ADAMTSL1: variants seen among roughly 807,000 people sequenced by gnomAD.
ADAMTSL1 encodes the protein ADAMTS like 1, also known as ADAMTS-like protein 1.
Under a neutral mutation model 201.8 loss-of-function variants are expected in ADAMTSL1, and 126 were observed. That is an observed-to-expected ratio of 0.62 (90% CI 0.54 to 0.72). The LOEUF (loss-of-function observed/expected upper bound fraction) is 0.72. Among genes scored for constraint, ADAMTSL1 ranks in the 30% least tolerant of loss-of-function variants. ADAMTSL1 has a pLI of 0.00. For synonymous variants in ADAMTSL1, 1,121 were observed against 903.4 expected (o/e 1.24, Z -4.32); for missense variants, 2,679 against 2,277.8 (o/e 1.18, Z -3.59).
intron 1 of ADAMTSL1, among the ~76,000 whole-genome samples, chr9:17,981,382 T>G (rs1818687157): frequency 6.6e-6 from 1 of 152,244 alleles, no homozygotes; most frequent in African/African-American, 2.4e-5. Context: ...GCTTGCTATT[T>G]ATTTCATTAA....
At chr9:18,888,367 T>C (rs1435470528) in intron 24 of ADAMTSL1, among the ~76,000 whole-genome samples, 2 of 152,206 alleles carry the variant, frequency 1.3e-5, no homozygotes, top group Admixed American at 1.3e-4. Context: ...TTTATGCTGA[T>C]TTAACTAGTA....
intron 1 of ADAMTSL1, among the ~76,000 whole-genome samples, chr9:18,063,885 C>T (rs564542493): frequency 6.6e-6 from 1 of 152,116 alleles, no homozygotes; most frequent in Non-Finnish European, 1.5e-5. Flanking sequence ...TCTGCACCTC[C>T]TTTATGAGTG....
chr9:18,484,872 G>C (rs937817005), intron 1 of ADAMTSL1, among the ~76,000 whole-genome samples: 1 of 152,132 alleles, frequency 6.6e-6, no homozygotes, highest in Non-Finnish European at 1.5e-5. Flanking sequence ...AAAAAATAAG[G>C]CTGGTTGGCA....
At position 18,485,515 on chromosome 9, in the gene ADAMTSL1, A is replaced by T. The variant is rs76639717; in HGVS notation, c.63+11220A>T. ...ATAATAGACCGAGGCAGAGCAGAGG[A>T]TATGAGTTTCTGTAGTAGCACAAAG... is the stretch of plus-strand genomic sequence containing the variant. On this transcript the variant is annotated intron_variant, in intron 1 of 28. Coordinates refer to ENST00000380548, the MANE Select transcript of ADAMTSL1 (RefSeq NM_001040272.6). 7.6e-4 allele frequency among the ~76,000 whole-genome samples: 116 copies of T among 152,344 alleles called. 1 individual carries two copies. In the East Asian group the frequency reaches 0.021, roughly 28 times the overall value.
intron 11 of ADAMTSL1, 142 bp downstream of exon 11, chr9:18,680,658 G>A (rs187651496): frequency 1.3e-5 from 11 of 828,660 alleles, no homozygotes; most frequent in Middle Eastern, 2.3e-4. Context: ...CCTGGAGTAG[G>A]AATGCCCCAA....
chr9:17,988,046 T>C (rs1818997140), intron 1 of ADAMTSL1, among the ~76,000 whole-genome samples: 1 of 152,146 alleles, frequency 6.6e-6, no homozygotes, highest in Non-Finnish European at 1.5e-5. Flanking sequence ...CTGTGATTTT[T>C]GAATTTGTGT....
At chr9:18,484,071 TG>T (rs1275278831) in intron 1 of ADAMTSL1, among the ~76,000 whole-genome samples, 1 of 152,216 alleles carries the variant, frequency 6.6e-6, no homozygotes, top group Non-Finnish European at 1.5e-5. Context: ...CTCTGAGAAG[TG>T]CTAGCTTTCT....
rs779376771 is a variant in ADAMTSL1, at chr9:18,817,174, G to C, written c.3871G>C (p.Asp1291His). Residue 1291 changes from aspartate (D) to histidine (H), a missense_variant, in exon 21 of 29, where the codon GAT (aspartate) becomes CAT (histidine). Asp to His is a moderately conservative substitution (Grantham distance 81). Coordinates refer to ENST00000380548, the MANE Select transcript of ADAMTSL1 (RefSeq NM_001040272.6). ...INTEKPAVTV[D>H]IGSTIKTVQG... ...CACGGAGAAGCCTGCAGTCACAGTC[G>C]ATATAGGAAGCACCATCAAAACAGT... The C allele has an allele frequency of 4.4e-6, 7 of 1,585,664 alleles. No homozygotes were observed. Among genetic ancestry groups the C allele is most frequent in the Non-Finnish European group, 6.0e-6 (7 of 1,165,298 alleles).
At chr9:18,691,055 A>G (rs1831183275) in intron 13 of ADAMTSL1, among the ~76,000 whole-genome samples, 2 of 152,334 alleles carry the variant, frequency 1.3e-5, no homozygotes, top group Non-Finnish European at 2.9e-5. Flanking sequence ...AGTGTTGAGT[A>G]CTGGTTGTCT....
intron 13 of ADAMTSL1, among the ~76,000 whole-genome samples, chr9:18,703,701 C>CATATATACATATATATAT (rs1832059529): frequency 1.3e-5 from 1 of 78,812 alleles, no homozygotes; most frequent in Non-Finnish European, 2.6e-5. Flanking sequence ...TGCGCACATA[C>CATATATACATATATATAT]ATATATATAT....
intron 2 of ADAMTSL1, among the ~76,000 whole-genome samples, chr9:18,325,077 A>G (rs60782857): frequency 0.039 from 5,923 of 152,304 alleles, 397 homozygotes; most frequent in African/African-American, 0.13. Flanking sequence ...TATAATTAGA[A>G]TACTGACATC....
intron 23 of ADAMTSL1, among the ~76,000 whole-genome samples, chr9:18,833,793 G>GT (rs1041684269): frequency 2.6e-5 from 4 of 152,114 alleles, no homozygotes; most frequent in Non-Finnish European, 2.9e-5. Context: ...CAATGCCGAG[G>GT]TTGTCTTCTA....
intron 2 of ADAMTSL1, among the ~76,000 whole-genome samples, chr9:18,283,062 T>A (rs1832855729): frequency 6.6e-6 from 1 of 152,250 alleles, no homozygotes; most frequent in African/African-American, 2.4e-5. Flanking sequence ...AAATCAACTA[T>A]AATTTTTGAT....
At chr9:17,929,258 TC>T (rs1418238791) in intron 1 of ADAMTSL1, among the ~76,000 whole-genome samples, 12 of 152,150 alleles carry the variant, frequency 7.9e-5, no homozygotes, top group African/African-American at 2.7e-4. Context: ...CATCAGTATT[TC>T]TCAGCCTTTT....
intron 2 of ADAMTSL1, among the ~76,000 whole-genome samples, chr9:18,402,497 C>G (rs1000040383): frequency 6.6e-6 from 1 of 152,188 alleles, no homozygotes; most frequent in African/African-American, 2.4e-5. Context: ...ATCATTTCCT[C>G]TAAGTCTCTA....
chr9:18,267,777 AAAAC>A (rs1201534358), intron 2 of ADAMTSL1, among the ~76,000 whole-genome samples: 4 of 147,748 alleles, frequency 2.7e-5, no homozygotes, highest in Admixed American at 1.4e-4. Flanking sequence ...AAAAAAAACA[AAAAC>A]AAAAACAAAA....
At chr9:17,921,522 A>T (rs997177420) in intron 1 of ADAMTSL1, among the ~76,000 whole-genome samples, 1 of 152,188 alleles carries the variant, frequency 6.6e-6, no homozygotes, top group Non-Finnish European at 1.5e-5. Context: ...TCAACCTGCC[A>T]TGTTAACTGG....
At chr9:18,250,111 G>C (rs543825803) in intron 2 of ADAMTSL1, among the ~76,000 whole-genome samples, 1 of 152,272 alleles carries the variant, frequency 6.6e-6, no homozygotes, top group East Asian at 1.9e-4. Context: ...TAAAGTTCTT[G>C]CTTGCTACTA....
intron 2 of ADAMTSL1, among the ~76,000 whole-genome samples, chr9:18,381,656 G>A (rs1053384877): frequency 2.0e-4 from 30 of 152,134 alleles, no homozygotes; most frequent in Admixed American, 1.2e-3. Context: ...AATGAAATGC[G>A]TGTAGAAATG....
Sources: gnomAD v4.1 joint callset for allele counts (sites outside exome capture counted in the v4.1 genomes callset) on GRCh38, gnomAD v4.1.1 for gene constraint, MANE v1.5 for transcripts, NCBI Gene and HGNC (gene_info 2026-07-23, HGNC 2026-07-21) for gene names.